Variants in SMYD3 observed in about 807,000 individuals in gnomAD.
The protein encoded by SMYD3 is SET and MYND domain containing 3.
SMYD3 carries 36 observed loss-of-function variants against 57.7 expected under a neutral mutation model. The ratio of observed to expected loss-of-function variants is 0.62; its 90% CI spans 0.48 to 0.82. SMYD3 has a LOEUF of 0.82. Ranked by LOEUF, SMYD3 falls within the 40% of genes least tolerant of loss-of-function variation. The pLI, the probability that SMYD3 is intolerant of heterozygous loss-of-function variation, is 0.00. For missense variants in SMYD3, 515 were observed against 538.8 expected (o/e 0.96, Z 0.44); for synonymous variants, 211 against 195.0 (o/e 1.08, Z -0.68).
intron 1 of SMYD3, among the ~76,000 whole-genome samples, chr1:246,498,809 C>T (rs139961238): frequency 8.6e-5 from 13 of 151,630 alleles, no homozygotes; most frequent in East Asian, 5.8e-4. Flanking sequence ...CCAGACGCTA[C>T]GGTCTGAATG....
chr1:245,795,289 A>G (rs2047476376), intron 10 of SMYD3, among the ~76,000 whole-genome samples: 1 of 152,226 alleles, frequency 6.6e-6, no homozygotes, highest in African/African-American at 2.4e-5. Flanking sequence ...CATGTCGACC[A>G]TCATTCCAGG....
chr1:245,810,772 G>A (rs1001058792), intron 10 of SMYD3, among the ~76,000 whole-genome samples: 1 of 12,092 alleles, frequency 8.3e-5, no homozygotes, highest in African/African-American at 1.0e-4. Flanking sequence ...AGAGAAAGAC[G>A]CACTTTTCAA....
chr1:246,291,770 A>G (rs1002971700), intron 5 of SMYD3, among the ~76,000 whole-genome samples: 4 of 152,248 alleles, frequency 2.6e-5, no homozygotes, highest in African/African-American at 9.6e-5. Flanking sequence ...AGCTAATTAC[A>G]GTAGAAAGAA....
At position 246,191,076 on chromosome 1, in the gene SMYD3, G is replaced by C. The variant is rs142197564; in HGVS notation, c.531+136125C>G. ...TCAGAGAGAAACTGAGGGGAAGACGGAGAAAACGCACCTCACGGTGCATTC... is the reference window on the plus strand; with the variant it reads ...TCAGAGAGAAACTGAGGGGAAGACGCAGAAAACGCACCTCACGGTGCATTC... On this transcript the variant is annotated intron_variant, in intron 5 of 11. Transcript: ENST00000490107. 5.5e-4 allele frequency among the ~76,000 whole-genome samples: 84 copies of C among 152,372 alleles called. 1 individual carries two copies. The highest frequency in any genetic ancestry group is 1.9e-3 in the African/African-American group (78 of 41,592).
intron 5 of SMYD3, among the ~76,000 whole-genome samples, chr1:246,324,931 G>C (rs1013284271): frequency 4.1e-5 from 6 of 147,900 alleles, no homozygotes; most frequent in Admixed American, 6.8e-5. Context: ...GAAAGCTGCA[G>C]GATCTATTTA....
At chr1:246,303,810 C>G (rs996055725) in intron 5 of SMYD3, among the ~76,000 whole-genome samples, 3 of 152,102 alleles carry the variant, frequency 2.0e-5, no homozygotes, top group African/African-American at 7.2e-5. Flanking sequence ...TACAAAAATT[C>G]AGTTTGTCCA....
At position 246,385,886 on chromosome 1, in the gene SMYD3, C is replaced by CAGTAG. The variant is rs2066469337; in HGVS notation, c.165-30797_165-30793dup. Among the ~76,000 whole-genome samples, 3 of 152,006 alleles carry CAGTAG rather than the reference C, an allele frequency of 2.0e-5. No homozygotes were observed. In the South Asian group the frequency reaches 6.2e-4, roughly 32 times the overall value. On this transcript the variant is annotated intron_variant, in intron 1 of 11. Coordinates refer to ENST00000490107, the MANE Select transcript of SMYD3 (RefSeq NM_001167740.2). ...ACGGACCATACTTTGAGTAGGAAGGCAGTAGAACACATACACCTTTTTTTT... is the reference window on the plus strand; with the variant it reads ...ACGGACCATACTTTGAGTAGGAAGGCAGTAGAGTAGAACACATACACCTTTTTTTT...
chr1:246,333,978 C>G, intron 3 of SMYD3, among the ~76,000 whole-genome samples: 1 of 152,040 alleles, frequency 6.6e-6, no homozygotes. Context: ...GAAAAATGCT[C>G]TACGTTACTA....
At chr1:245,997,280 G>A (rs1201184339) in intron 5 of SMYD3, among the ~76,000 whole-genome samples, 1 of 152,316 alleles carries the variant, frequency 6.6e-6, no homozygotes, top group African/African-American at 2.4e-5. Context: ...TCAGACAGGG[G>A]GGATGTCAAC....
chr1:246,052,436 A>C (rs1051810264), intron 5 of SMYD3: 2 of 152,208 alleles, frequency 1.3e-5, no homozygotes, highest in Non-Finnish European at 2.9e-5. Context: ...GGAAAAAAAA[A>C]CCAAGGCTAA....
At chr1:246,333,322 A>C (rs2065489864) in intron 3 of SMYD3, among the ~76,000 whole-genome samples, 1 of 152,114 alleles carries the variant, frequency 6.6e-6, no homozygotes, top group African/African-American at 2.4e-5. Flanking sequence ...CCTAGGAAAT[A>C]CCCTTCTACA....
chr1:246,040,551 A>G (rs1381560737), intron 5 of SMYD3, among the ~76,000 whole-genome samples: 3 of 152,208 alleles, frequency 2.0e-5, no homozygotes, highest in Non-Finnish European at 4.4e-5. Flanking sequence ...CACCAAACAG[A>G]GAAACAATTT....
chr1:246,037,145 A>G (rs577929838), intron 5 of SMYD3, among the ~76,000 whole-genome samples: 3 of 152,204 alleles, frequency 2.0e-5, no homozygotes, highest in Non-Finnish European at 4.4e-5. Flanking sequence ...CTAAAGTATC[A>G]TGTATTAGCT....
intron 1 of SMYD3, among the ~76,000 whole-genome samples, chr1:246,441,850 G>C (rs2067476206): frequency 6.6e-6 from 1 of 152,210 alleles, no homozygotes; most frequent in Non-Finnish European, 1.5e-5. Context: ...GGCCTCAAGT[G>C]ATCCTCCCGC....
intron 7 of SMYD3, among the ~76,000 whole-genome samples, chr1:245,924,592 A>G (rs905972436): frequency 6.6e-6 from 1 of 150,530 alleles, no homozygotes; most frequent in Non-Finnish European, 1.5e-5. Context: ...CCTTCCTTTC[A>G]GGAGCCATGG....
rs373393019 is a variant in SMYD3 at position 245,839,363 on chromosome 1, G to A, written c.1076+19133C>T. Among the ~76,000 whole-genome samples the A allele has an allele frequency of 5.3e-5, 8 of 151,870 alleles. No individual in the cohort carries two copies. In the East Asian group the frequency reaches 9.7e-4, roughly 18 times the overall value. ...TTTTTGTATTTTTAGTAGAGACGGGGTTTCACCGTGTTAGCCAGGATGGTC... is the reference window on the plus strand; with the variant it reads ...TTTTTGTATTTTTAGTAGAGACGGGATTTCACCGTGTTAGCCAGGATGGTC... On this transcript the variant is annotated intron_variant, in intron 10 of 11. Coordinates refer to ENST00000490107, the MANE Select transcript of SMYD3 (RefSeq NM_001167740.2).
At chr1:246,024,375 GGGAGAT>G (rs2059535779) in intron 5 of SMYD3, among the ~76,000 whole-genome samples, 2 of 129,680 alleles carry the variant, frequency 1.5e-5, no homozygotes, top group Non-Finnish European at 3.2e-5. Flanking sequence ...CATCTAGGAA[GGGAGAT>G]ACAGGAAGTG....
intron 2 of SMYD3, among the ~76,000 whole-genome samples, chr1:246,335,736 G>A (rs2065533182): frequency 4.6e-5 from 7 of 152,172 alleles, no homozygotes; most frequent in Admixed American, 4.6e-4. Flanking sequence ...CTGGCTAGTG[G>A]AGTCCAAAGA....
At chr1:245,751,322 G>A (rs544321167) in intron 11 of SMYD3, among the ~76,000 whole-genome samples, 2 of 152,284 alleles carry the variant, frequency 1.3e-5, no homozygotes, top group South Asian at 2.1e-4. Context: ...CATGTGGTGA[G>A]ACGCCTGCAT....
Sources: allele counts gnomAD v4.1 joint callset (sites outside exome capture counted in the v4.1 genomes callset), GRCh38; gene constraint gnomAD v4.1.1; transcripts MANE v1.5; gene names NCBI Gene and HGNC (gene_info 2026-07-23, HGNC 2026-07-21).